Variants in GRIK2 observed in about 807,000 individuals in gnomAD.
GRIK2 encodes the protein glutamate ionotropic receptor kainate type subunit 2, also known as glutamate receptor ionotropic, kainate 2.
In GRIK2, 32 loss-of-function variants were observed where a neutral mutation model predicts 100.3. That is an observed-to-expected ratio of 0.32 (90% confidence interval 0.24 to 0.43). The LOEUF is 0.43. GRIK2 is among the 20% of genes least tolerant of loss of function. The pLI is 1.00. For missense variants in GRIK2, 843 were observed against 1,114.9 expected (o/e 0.76, Z 3.47); for synonymous variants, 417 against 389.4 (o/e 1.07, Z -0.83).
intron 2 of GRIK2, among the ~76,000 whole-genome samples, chr6:101,614,894 T>C (rs1582828963): frequency 6.6e-6 from 1 of 151,756 alleles, no homozygotes; most frequent in East Asian, 1.9e-4. Context: ...TTATGAGTCA[T>C]ACAGTCCTCA....
chr6:101,557,982 C>T (rs1156647034), intron 2 of GRIK2, among the ~76,000 whole-genome samples: 2 of 152,150 alleles, frequency 1.3e-5, no homozygotes, highest in Non-Finnish European at 2.9e-5. Context: ...TCTCTCATAC[C>T]TCAACTGCCC....
chr6:101,462,003 C>A (rs1346130848), intron 2 of GRIK2, among the ~76,000 whole-genome samples: 3 of 152,116 alleles, frequency 2.0e-5, no homozygotes, highest in Non-Finnish European at 4.4e-5. Context: ...AATCTCAGTT[C>A]TGATTTACCT....
At chr6:101,514,685 A>G (rs1387353213) in intron 2 of GRIK2, among the ~76,000 whole-genome samples, 1 of 152,134 alleles carries the variant, frequency 6.6e-6, no homozygotes, top group Non-Finnish European at 1.5e-5. Flanking sequence ...GAATAGAACA[A>G]GATCATAATG....
At chr6:102,064,812 A>G (rs904197730) in intron 16 of GRIK2, among the ~76,000 whole-genome samples, 2 of 151,132 alleles carry the variant, frequency 1.3e-5, no homozygotes, top group African/African-American at 4.8e-5. Context: ...AAGAATGTAT[A>G]TTTGCTCTAG....
intron 2 of GRIK2, among the ~76,000 whole-genome samples, chr6:101,572,697 G>A (rs1261985111): frequency 3.3e-5 from 5 of 149,806 alleles, no homozygotes; most frequent in African/African-American, 4.9e-5. Context: ...GTTTCTCAAG[G>A]CATCTGTACT....
At chr6:101,451,138 T>C (rs1326160428) in intron 2 of GRIK2, among the ~76,000 whole-genome samples, 1 of 151,748 alleles carries the variant, frequency 6.6e-6, no homozygotes, top group Non-Finnish European at 1.5e-5. Context: ...CTTCTCAAAC[T>C]CCTTATCCTG....
chr6:101,787,587 T>G (rs1167319636), intron 7 of GRIK2, among the ~76,000 whole-genome samples: 2 of 152,190 alleles, frequency 1.3e-5, no homozygotes, highest in Non-Finnish European at 2.9e-5. Flanking sequence ...TGCTGTTTAG[T>G]GTCCATATAT....
rs1352921806 is a variant in GRIK2, at chr6:101,433,616, TCTC to T, written c.115+34227_115+34229del. The stretch of plus-strand genomic sequence containing the variant: ...CTTTATTTTTTTTCTTCATTGAAAA[TCTC>T]CTACCTCAGGTACTATTCTTTTTTT... On this transcript the variant is annotated intron_variant, in intron 2 of 16. Transcript: ENST00000369134. 3.3e-5 allele frequency among the ~76,000 whole-genome samples: 5 copies of T among 152,224 alleles called. No individual in the cohort carries two copies. The South Asian group carries it at 8.3e-4, about 25-fold the overall frequency.
At chr6:101,588,267 A>G (rs569628421) in intron 2 of GRIK2, among the ~76,000 whole-genome samples, 5 of 152,048 alleles carry the variant, frequency 3.3e-5, no homozygotes, top group Non-Finnish European at 7.4e-5. Flanking sequence ...ACTAAAAACA[A>G]CCAAATCCAA....
intron 2 of GRIK2, among the ~76,000 whole-genome samples, chr6:101,586,406 T>C (rs1291891196): frequency 2.6e-5 from 4 of 152,036 alleles, no homozygotes; most frequent in African/African-American, 9.7e-5. Flanking sequence ...CATTGTAACA[T>C]AAAAAGTGAT....
At chr6:101,544,566 C>T (rs1776148452) in intron 2 of GRIK2, among the ~76,000 whole-genome samples, 2 of 151,980 alleles carry the variant, frequency 1.3e-5, no homozygotes, top group African/African-American at 4.8e-5. Flanking sequence ...TTCATTGCCT[C>T]TTCTCTCAAT....
intron 5 of GRIK2, among the ~76,000 whole-genome samples, chr6:101,680,446 CTG>C (rs1272335069): frequency 9.8e-5 from 15 of 152,286 alleles, no homozygotes. Flanking sequence ...TGTTTACTCA[CTG>C]TCTCACTTTG....
At chr6:101,467,081 G>C (rs1771686106) in intron 2 of GRIK2, among the ~76,000 whole-genome samples, 1 of 152,024 alleles carries the variant, frequency 6.6e-6, no homozygotes, top group Non-Finnish European at 1.5e-5. Flanking sequence ...CATACCACAA[G>C]ACATATTTTA....
intron 2 of GRIK2, among the ~76,000 whole-genome samples, chr6:101,427,096 G>T (rs898007416): frequency 2.0e-5 from 3 of 152,170 alleles, no homozygotes; most frequent in Non-Finnish European, 4.4e-5. Context: ...GAGCTTGGAT[G>T]GCAGGAAGGC....
intron 14 of GRIK2, among the ~76,000 whole-genome samples, chr6:101,946,546 G>T (rs988864674): frequency 3.3e-5 from 5 of 151,902 alleles, no homozygotes; most frequent in Non-Finnish European, 5.9e-5. Flanking sequence ...GAAACATTTT[G>T]ATTTTTAATT....
At chr6:101,497,621 T>C (rs547410090) in intron 2 of GRIK2, among the ~76,000 whole-genome samples, 8 of 152,162 alleles carry the variant, frequency 5.3e-5, no homozygotes, top group Non-Finnish European at 1.2e-4. Flanking sequence ...GCTTATTGTT[T>C]TTGTTTATAT....
chr6:101,971,932 CT>C (rs910156429), intron 14 of GRIK2, among the ~76,000 whole-genome samples: 12 of 151,852 alleles, frequency 7.9e-5, no homozygotes, highest in African/African-American at 2.7e-4. Flanking sequence ...TGATTTTGTT[CT>C]TTTTTTGGCA....
intron 14 of GRIK2, among the ~76,000 whole-genome samples, chr6:101,932,242 A>G (rs1479184391): frequency 2.0e-5 from 3 of 152,060 alleles, no homozygotes; most frequent in African/African-American, 7.2e-5. Context: ...GCACTAATAC[A>G]TATGTCCATC....
chr6:101,759,591 G>GT (rs1777355915), intron 7 of GRIK2, among the ~76,000 whole-genome samples: 1 of 152,134 alleles, frequency 6.6e-6, no homozygotes, highest in South Asian at 2.1e-4. Flanking sequence ...ACATATGGCT[G>GT]TTAAGTGCAG....
Sources: gnomAD v4.1 joint callset for allele counts (sites outside exome capture counted in the v4.1 genomes callset) on GRCh38, gnomAD v4.1.1 for gene constraint, MANE v1.5 for transcripts, NCBI Gene and HGNC (gene_info 2026-07-23, HGNC 2026-07-21) for gene names.